SNX14: variants seen among roughly 807,000 people sequenced by gnomAD.
SNX14 encodes the protein sorting nexin-14.
SNX14 carries 93 observed loss-of-function variants against 133.8 expected under a neutral mutation model. The observed-to-expected ratio is 0.70, with a 90% CI of 0.59 to 0.83. The LOEUF (loss-of-function observed/expected upper bound fraction) is 0.83. Ranked by LOEUF, SNX14 falls within the 40% of genes least tolerant of loss-of-function variation. SNX14 has a pLI of 0.00. For synonymous variants in SNX14, 368 were observed against 365.6 expected, an observed-to-expected ratio of 1.01 and a Z score of -0.07; for missense variants, 945 against 1,094.9, an observed-to-expected ratio of 0.86 and a Z score of 1.93.
chr6:85,568,510 T>C (rs1301325365), intron 4 of SNX14: 3 of 152,228 alleles, frequency 2.0e-5, no homozygotes, highest in Non-Finnish European at 2.9e-5. Flanking sequence ...ACATAAGTTA[T>C]ATAAGTGAAA....
Position 85,547,129 on chromosome 6 carries a change from T to G in SNX14, c.1091A>C (p.Gln364Pro). The G allele has an allele frequency of 6.2e-7, 1 of 1,613,488 alleles. No homozygotes were observed. Among genetic ancestry groups the G allele is most frequent in the Admixed American group, 1.7e-5 (1 of 59,852 alleles). The part of the protein sequence containing the change: ...LKQEGAVHVL[Q>P]FCLTVEEFND... ...AGCCTCACCCACAGTCAAACAAAAC[T>G]GCAACACGTGCACTGCGCCTTCTTG... Residue 364 changes from glutamine to proline, a missense_variant, in exon 12 of 29, where the codon CAG becomes CCG. By Grantham distance (76) the Gln-to-Pro change is moderately conservative (BLOSUM62 -1). Coordinates refer to ENST00000314673, the MANE Select transcript of SNX14 (RefSeq NM_153816.6).
intron 2 of SNX14, among the ~76,000 whole-genome samples, 156 bp from the exon 3 acceptor site, chr6:85,572,530 A>C (rs568050891): frequency 8.6e-5 from 13 of 150,972 alleles, no homozygotes; most frequent in Non-Finnish European, 1.5e-4. Context: ...TGTAATACAT[A>C]ATACTGGCTA....
intron 4 of SNX14, among the ~76,000 whole-genome samples, chr6:85,571,050 G>A (rs987757224): frequency 7.2e-5 from 11 of 151,880 alleles, no homozygotes; most frequent in African/African-American, 2.7e-4. Context: ...AGGGTATCTT[G>A]AAGATGAAAA....
chr6:85,549,627 A>G (rs569613029), intron 8 of SNX14, 96 bp downstream of exon 8: 42 of 1,024,114 alleles, frequency 4.1e-5, no homozygotes, highest in Middle Eastern at 3.5e-4. Flanking sequence ...TCATAGGCTA[A>G]CCTCAAATTT....
intron 18 of SNX14, among the ~76,000 whole-genome samples, chr6:85,532,189 A>G (rs1780520296): frequency 6.6e-6 from 1 of 152,254 alleles, no homozygotes; most frequent in South Asian, 2.1e-4. Flanking sequence ...AAGCAAAAAC[A>G]AAAGTATATT....
chr6:85,542,003 C>T lies in SNX14; in HGVS notation c.1430G>A (p.Arg477His), dbSNP rs1446214809. The T allele has an allele frequency of 3.1e-6, 5 of 1,591,782 alleles. No individual in the cohort carries two copies. Among genetic ancestry groups the T allele is most frequent in the African/African-American group, 1.4e-5 (1 of 73,830 alleles). The change falls in exon 15 of 29, where the codon CGC (arginine) becomes CAC (histidine). Residue 477 changes from arginine (R) to histidine (H), a missense_variant. Around this residue, in one of 3 missense-constraint regions of SNX14, gnomAD observed 412 missense variants for 516.6 expected, o/e 0.80. Coordinates refer to ENST00000314673, the MANE Select transcript of SNX14 (RefSeq NM_153816.6). ...AACCTACCTGTTCAATTTTGAATTG[C>T]GTGTTGGTGATTCTGCACCTCTTAA... ...QLLRGAESPT[R>H]NSKLNRGSLS...
chr6:85,525,909 A>C lies in SNX14; in HGVS notation c.2107+217T>G, dbSNP rs992077909. Among the ~76,000 whole-genome samples, 5 of 152,200 alleles carry C rather than the reference A, an allele frequency of 3.3e-5. 1 individual carries two copies. The South Asian group carries it at 1.0e-3, about 31-fold the overall frequency. On this transcript the variant is annotated intron_variant, in intron 21 of 28. Transcript: ENST00000314673. ...AATTTATAAATACATTGACTAATGT[A>C]ATTTTCTGTGATGACAAATGGCTAG...
intron 7 of SNX14, among the ~76,000 whole-genome samples, chr6:85,555,131 A>G (rs2128126885): frequency 6.6e-6 from 1 of 152,332 alleles, no homozygotes; most frequent in African/African-American, 2.4e-5. Flanking sequence ...ACTCTCATAG[A>G]GACAAAGCAA....
At chr6:85,506,064 C>A in intron 28 of SNX14, 59 bp from the exon 29 acceptor site, 3 of 1,090,420 alleles carry the variant, frequency 2.8e-6, no homozygotes, top group Non-Finnish European at 4.2e-6. Context: ...TTGTAAATTG[C>A]CTAACAGCTC....
intron 17 of SNX14, among the ~76,000 whole-genome samples, chr6:85,535,053 G>T: frequency 7.1e-6 from 1 of 140,726 alleles, no homozygotes. Context: ...TTTTGAGACA[G>T]GCTTTTATTC....
intron 20 of SNX14, 47 bp from the exon 21 acceptor site, chr6:85,526,284 G>A (rs369491134): frequency 1.7e-6 from 2 of 1,161,358 alleles, no homozygotes; most frequent in South Asian, 1.4e-5. Context: ...AAATCTAGAG[G>A]AGTAGTCAAA....
rs117105133 is a variant in SNX14, at chr6:85,554,367, C to A, written c.634+3609G>T. On this transcript the variant is annotated intron_variant, in intron 7 of 28. Coordinates refer to ENST00000314673, the MANE Select transcript of SNX14 (RefSeq NM_153816.6). Reference sequence around the variant, plus strand: ...TTTCTAAGAGCCATGGAAGTACTTACATAGACAACTTCTATATAACGCCTA... The same window carrying A: ...TTTCTAAGAGCCATGGAAGTACTTAAATAGACAACTTCTATATAACGCCTA... Among the ~76,000 whole-genome samples, 1,115 of 152,048 alleles carry A rather than the reference C, an allele frequency of 7.3e-3. 9 individuals are homozygous for A. Among genetic ancestry groups the A allele is most frequent in the Middle Eastern group, 0.014 (4 of 294 alleles).
chr6:85,584,158 C>T (rs992338612), intron 1 of SNX14, among the ~76,000 whole-genome samples: 2 of 152,184 alleles, frequency 1.3e-5, no homozygotes, highest in African/African-American at 4.8e-5. Context: ...AAAGGATTCC[C>T]TATTTAATAA....
chr6:85,526,994 G>A (rs1468524339), intron 20 of SNX14, among the ~76,000 whole-genome samples: 7 of 152,108 alleles, frequency 4.6e-5, no homozygotes, highest in East Asian at 3.8e-4. Flanking sequence ...GGTTGAACTC[G>A]GGAGGTGGAG....
At chr6:85,551,302 C>T (rs1787749055) in intron 7 of SNX14, among the ~76,000 whole-genome samples, 1 of 152,124 alleles carries the variant, frequency 6.6e-6, no homozygotes, top group African/African-American at 2.4e-5. Context: ...TCCCTTTCTA[C>T]AATCAAGCAA....
intron 17 of SNX14, among the ~76,000 whole-genome samples, chr6:85,536,287 A>G (rs141882067): frequency 6.6e-6 from 1 of 152,346 alleles, no homozygotes; most frequent in East Asian, 1.9e-4. Context: ...ATATAAGTCA[A>G]CTGGAAATCT....
intron 6 of SNX14, among the ~76,000 whole-genome samples, chr6:85,559,177 T>G (rs763513335): frequency 6.6e-6 from 1 of 152,122 alleles, no homozygotes; most frequent in African/African-American, 2.4e-5. Context: ...CCCCAAATTT[T>G]AATGATTTGC....
chr6:85,565,509 T>C, intron 5 of SNX14, 90 bp from the exon 6 acceptor site: 1 of 829,362 alleles, frequency 1.2e-6, no homozygotes, highest in Non-Finnish European at 1.9e-6. Flanking sequence ...CTTTTTTCTG[T>C]TTACTTAAGC....
intron 1 of SNX14, among the ~76,000 whole-genome samples, chr6:85,579,554 G>A: frequency 6.6e-6 from 1 of 152,194 alleles, no homozygotes; most frequent in East Asian, 1.9e-4. Flanking sequence ...CCTTTCTGCA[G>A]CCCCCAGAAG....
Sources: allele counts gnomAD v4.1 joint callset (sites outside exome capture counted in the v4.1 genomes callset), GRCh38; gene constraint gnomAD v4.1.1; regional missense constraint gnomAD v4.1.1; transcripts MANE v1.5; gene names NCBI Gene and HGNC (gene_info 2026-07-23, HGNC 2026-07-21).